Variants in FBXO25 observed in about 807,000 individuals in gnomAD.
FBXO25 encodes F-box only protein 25.
In FBXO25, 45 loss-of-function variants were observed where a neutral mutation model predicts 51.9. The observed-to-expected ratio is 0.87, with a 90% CI of 0.68 to 1.11. The LOEUF (loss-of-function observed/expected upper bound fraction) is 1.11, where lower values mean the gene tolerates loss of function less well. FBXO25 is among the 50% of genes most tolerant of loss of function. The pLI is 0.00. For missense variants in FBXO25, 507 were observed against 428.5 expected (o/e 1.18, Z -1.62); for synonymous variants, 199 against 151.0 (o/e 1.32, Z -2.33).
At chr8:415,201 T>G (rs1247513789) in intron 2 of FBXO25, among the ~76,000 whole-genome samples, 1 of 152,208 alleles carries the variant, frequency 6.6e-6, no homozygotes, top group Non-Finnish European at 1.5e-5. Context: ...TAAAAATAAT[T>G]TAGGTAATCA....
intron 4 of FBXO25, 144 bp from the exon 5 acceptor site, chr8:435,471 T>G: frequency 2.0e-6 from 2 of 999,664 alleles, no homozygotes; most frequent in South Asian, 3.3e-5. Flanking sequence ...TTTACTATAC[T>G]CTCATCTAAA....
chr8:462,914 T>C, intron 8 of FBXO25, 93 bp from the exon 9 acceptor site: 2 of 1,435,644 alleles, frequency 1.4e-6, no homozygotes, highest in Non-Finnish European at 1.9e-6. Flanking sequence ...AAAAAGAAAT[T>C]AAAAACTAAA....
chr8:414,149 C>T (rs150987845), intron 2 of FBXO25, among the ~76,000 whole-genome samples: 9,422 of 152,024 alleles, frequency 0.062, 318 homozygotes, highest in Middle Eastern at 0.082. Flanking sequence ...ATTAATTTTC[C>T]ATTTTAGTTA....
At position 469,815 on chromosome 8, in the gene FBXO25, A is replaced by AAATC. The variant is rs1217557706; in HGVS notation, c.*1013_*1016dup. The AAATC allele has an allele frequency of 6.6e-6, 1 of 152,190 alleles. No homozygotes were observed. Among genetic ancestry groups the AAATC allele is most frequent in the Non-Finnish European group, 1.5e-5 (1 of 68,026 alleles). The allele number at this position is 152,190 out of a possible 1,614,324, so 9.4% of individuals were successfully genotyped here. A position where few individuals can be genotyped will look rare whatever the true frequency, so the allele number is the denominator to read the frequency against. ...TTGAATAGGGTCAAGGAGCCCAAGCAAATCATTTCTACTTTTTCCTTTAAG... is the reference window on the plus strand; with the variant it reads ...TTGAATAGGGTCAAGGAGCCCAAGCAAATCAATCATTTCTACTTTTTCCTTTAAG... On this transcript the variant is annotated 3_prime_UTR_variant, in exon 10 of 10. Coordinates refer to ENST00000350302, the MANE Select transcript of FBXO25 (RefSeq NM_183420.2).
intron 9 of FBXO25, 46 bp downstream of exon 9, chr8:463,196 T>G: frequency 1.3e-6 from 2 of 1,585,248 alleles, no homozygotes; most frequent in South Asian, 1.2e-5. Context: ...TAAATTTTGG[T>G]GAAACAAACT....
rs1018542088 is a variant in FBXO25 at position 472,452 on chromosome 8, G to C, written c.*3648G>C. The C allele has an allele frequency of 5.4e-4, 83 of 152,300 alleles. No individual in the cohort carries two copies. Among genetic ancestry groups the C allele is most frequent in the African/African-American group, 1.8e-3 (75 of 41,522 alleles). The allele number at this position is 152,300 out of a possible 1,614,324, so 9.4% of individuals were successfully genotyped here. On this transcript the variant is annotated 3_prime_UTR_variant, in exon 10 of 10. Coordinates refer to ENST00000350302, the MANE Select transcript of FBXO25 (RefSeq NM_183420.2). Reference sequence around the variant, plus strand: ...CTTTTATACATAGCTGTTAGATTTGGTGTGCTGGAACAGCCAGCCCTCTGT... The same window carrying C: ...CTTTTATACATAGCTGTTAGATTTGCTGTGCTGGAACAGCCAGCCCTCTGT...
chr8:458,590 TTA>T, intron 8 of FBXO25, 39 bp downstream of exon 8: 1 of 1,598,514 alleles, frequency 6.3e-7, no homozygotes, highest in Non-Finnish European at 8.6e-7. Flanking sequence ...GGCTGGGAGT[TTA>T]TAGACTCTGC....
intron 7 of FBXO25, among the ~76,000 whole-genome samples, chr8:453,124 T>A (rs1333496074): frequency 1.3e-5 from 2 of 152,128 alleles, no homozygotes; most frequent in Non-Finnish European, 2.9e-5. Flanking sequence ...AGGATAGGTG[T>A]TACTGTAGTG....
chr8:445,062 G>T (rs1045591413), intron 5 of FBXO25, among the ~76,000 whole-genome samples: 2 of 152,174 alleles, frequency 1.3e-5, no homozygotes, highest in East Asian at 3.8e-4. Context: ...AATGATTACA[G>T]TTTCTTTGTT....
At chr8:424,179 C>T (rs556975125) in intron 2 of FBXO25, among the ~76,000 whole-genome samples, 48 of 145,362 alleles carry the variant, frequency 3.3e-4, no homozygotes, top group African/African-American at 2.1e-4. Context: ...AGTGCAGTGG[C>T]GCAATTTCCG....
intron 7 of FBXO25, among the ~76,000 whole-genome samples, chr8:452,407 T>A (rs1203064939): frequency 6.8e-6 from 1 of 147,134 alleles, no homozygotes; most frequent in African/African-American, 2.6e-5. Context: ...GCTGCCTCTT[T>A]TACTGCGTTC....
intron 7 of FBXO25, among the ~76,000 whole-genome samples, chr8:455,987 C>G (rs188359317): frequency 5.2e-4 from 79 of 152,348 alleles, no homozygotes; most frequent in Admixed American, 3.3e-4. Context: ...GACTCTATAA[C>G]TCTACTAATC....
intron 5 of FBXO25, among the ~76,000 whole-genome samples, chr8:444,964 T>TA (rs1389980649): frequency 1.3e-5 from 2 of 152,248 alleles, no homozygotes; most frequent in Admixed American, 6.5e-5. Flanking sequence ...CATGACTGTA[T>TA]AAAAAACTTC....
chr8:407,776 T>C lies in FBXO25; in HGVS notation c.-8+710T>C, dbSNP rs1382610970. ...CTCCTGGTCTGTGGCTCTGGCTCTGTCTCTGTCTCCTCCCTTAATTTCTTT... is the reference window on the plus strand; with the variant it reads ...CTCCTGGTCTGTGGCTCTGGCTCTGCCTCTGTCTCCTCCCTTAATTTCTTT... On this transcript the variant is annotated intron_variant, in intron 1 of 9. Transcript: ENST00000350302. 2.6e-5 allele frequency among the ~76,000 whole-genome samples: 4 copies of C among 152,098 alleles called. No homozygotes were observed. In the East Asian group the frequency reaches 7.7e-4, roughly 29 times the overall value.
In FBXO25 at chr8:463,144, T is replaced by C. The variant is rs886544552; in HGVS notation, c.981T>C (p.Phe327=). Residue 327 remains phenylalanine (F), a synonymous_variant, in exon 9 of 10, where the codon TTT becomes TTC. Transcript: ENST00000350302. ...LHFCRHCSIL[F]WKDSGHPCTA... is the part of the protein sequence containing the mutation. The stretch of plus-strand genomic sequence containing the variant: ...TCTGTCGGCACTGCAGCATTCTCTT[T>C]TGGAAGGTACTGATTTAAATGCACT... 2 of 1,610,342 alleles carry C rather than the reference T, an allele frequency of 1.2e-6. No individual in the cohort carries two copies. Among genetic ancestry groups the C allele is most frequent in the African/African-American group, 2.7e-5 (2 of 74,800 alleles).
At chr8:430,021 C>T (rs1017675623) in intron 2 of FBXO25, among the ~76,000 whole-genome samples, 22 of 152,232 alleles carry the variant, frequency 1.4e-4, no homozygotes, top group African/African-American at 5.3e-4. Flanking sequence ...GCTTTTCTGT[C>T]CCATGCTCAC....
intron 7 of FBXO25, among the ~76,000 whole-genome samples, chr8:457,542 G>C (rs1169069899): frequency 1.3e-5 from 2 of 152,210 alleles, no homozygotes; most frequent in Non-Finnish European, 2.9e-5. Context: ...GCTGGAAGGT[G>C]GGGGGATGTT....
chr8:420,846 T>C (rs1451841870), intron 2 of FBXO25, among the ~76,000 whole-genome samples: 1 of 152,192 alleles, frequency 6.6e-6, no homozygotes, highest in Non-Finnish European at 1.5e-5. Context: ...CTGTGTTAGA[T>C]TTGACTGTGC....
At chr8:450,536 A>G (rs987612956) in intron 6 of FBXO25, among the ~76,000 whole-genome samples, 1 of 152,240 alleles carries the variant, frequency 6.6e-6, no homozygotes, top group Non-Finnish European at 1.5e-5. Flanking sequence ...ATACATGCAT[A>G]GGAATATATG....
Sources: gnomAD v4.1 joint callset for allele counts (sites outside exome capture counted in the v4.1 genomes callset) on GRCh38, gnomAD v4.1.1 for gene constraint, MANE v1.5 for transcripts, NCBI Gene and HGNC (gene_info 2026-07-23, HGNC 2026-07-21) for gene names.